BTBD8: variants seen among roughly 807,000 people sequenced by gnomAD.
The protein encoded by BTBD8 is BTB domain containing 8.
Under a neutral mutation model 162.9 loss-of-function variants are expected in BTBD8, and 110 were observed. The ratio of observed to expected loss-of-function variants is 0.68; its 90% CI spans 0.58 to 0.79. BTBD8 has a LOEUF of 0.79. BTBD8 is among the 30% of genes least tolerant of loss of function. The pLI is 0.00. For synonymous variants in BTBD8, 667 were observed against 716.1 expected (o/e 0.93, Z 1.10); for missense variants, 1,905 against 2,085.4 (o/e 0.91, Z 1.68).
chr1:92,084,666 T>C (rs1019782450), intron 1 of BTBD8, among the ~76,000 whole-genome samples: 3 of 152,180 alleles, frequency 2.0e-5, no homozygotes, highest in African/African-American at 7.2e-5. Context: ...ACCACTGGAC[T>C]CTCTCCCCTG....
chr1:92,080,629 G>A lies in BTBD8; in HGVS notation c.58G>A (p.Val20Ile). Reference sequence around the variant, plus strand: ...CATGGTACTTCTGGGGTCCGCTGGAGTTTGCAGTAAGGGGTTGCAAAGGAA... The same window carrying A: ...CATGGTACTTCTGGGGTCCGCTGGAATTTGCAGTAAGGGGTTGCAAAGGAA... ...APMVLLGSAG[V>I]CSKGLQRKGP... Residue 20 changes from valine (V) to isoleucine (I), a missense_variant, in exon 1 of 18, where the codon GTT (valine) becomes ATT (isoleucine). Transcript: ENST00000636805. The A allele has an allele frequency of 6.2e-7, 1 of 1,614,052 alleles. No homozygotes were observed. The highest frequency in any genetic ancestry group is 1.1e-5 in the South Asian group (1 of 91,070).
intron 13 of BTBD8, among the ~76,000 whole-genome samples, chr1:92,175,835 A>C (rs1310836755): frequency 6.6e-6 from 1 of 152,162 alleles, no homozygotes; most frequent in Non-Finnish European, 1.5e-5. Context: ...GAATGACAAT[A>C]TGATCTTAAA....
In BTBD8 at chr1:92,142,960, C is replaced by T. The variant is rs1453148401; in HGVS notation, c.930+1749C>T. Among the ~76,000 whole-genome samples the T allele has an allele frequency of 3.3e-5, 5 of 152,186 alleles. No individual in the cohort carries two copies. The East Asian group carries it at 9.6e-4, about 29-fold the overall frequency. ...GAAAATGGAGGAGCAGGAGATCAGA[C>T]CATGCTCTACTCTCTATTTCACATC... On this transcript the variant is annotated intron_variant, in intron 7 of 17. Transcript: ENST00000636805.
At chr1:92,182,673 T>C in intron 17 of BTBD8, 78 bp downstream of exon 17, 1 of 849,948 alleles carries the variant, frequency 1.2e-6, no homozygotes, top group South Asian at 3.2e-5. Flanking sequence ...AAGCCCTGAA[T>C]GTTATATTTT....
chr1:92,132,285 T>C (rs1342716086), intron 5 of BTBD8, among the ~76,000 whole-genome samples: 1 of 151,724 alleles, frequency 6.6e-6, no homozygotes, highest in African/African-American at 2.4e-5. Flanking sequence ...CCTCTGAGTT[T>C]AGCTATATGA....
At chr1:92,177,572 A>G in intron 14 of BTBD8, 26 bp downstream of exon 14, 1 of 1,392,234 alleles carries the variant, frequency 7.2e-7, no homozygotes, top group African/African-American at 1.5e-5. Flanking sequence ...GTAATTTTTA[A>G]TATCTCCTGA....
intron 5 of BTBD8, among the ~76,000 whole-genome samples, chr1:92,135,573 TG>T (rs1649614873): frequency 6.6e-6 from 1 of 152,210 alleles, no homozygotes; most frequent in South Asian, 2.1e-4. Flanking sequence ...ATTTAAACTA[TG>T]GGCTATTGGA....
intron 9 of BTBD8, among the ~76,000 whole-genome samples, chr1:92,159,034 G>A (rs1263320583): frequency 6.6e-6 from 1 of 152,180 alleles, no homozygotes; most frequent in Non-Finnish European, 1.5e-5. Context: ...TGGAATACAG[G>A]CATGAGCCAC....
intron 4 of BTBD8, among the ~76,000 whole-genome samples, chr1:92,127,675 A>T (rs1177181052): frequency 6.6e-6 from 1 of 151,878 alleles, no homozygotes; most frequent in Non-Finnish European, 1.5e-5. Context: ...CCTGGGTTCA[A>T]GTGACTCTCC....
intron 9 of BTBD8, among the ~76,000 whole-genome samples, chr1:92,162,874 T>C (rs1019554878): frequency 6.6e-6 from 1 of 152,176 alleles, no homozygotes; most frequent in Admixed American, 6.5e-5. Context: ...TGTGAAATAA[T>C]GTTATATACA....
At chr1:92,092,149 C>A (rs1648321777) in intron 2 of BTBD8, among the ~76,000 whole-genome samples, 1 of 152,002 alleles carries the variant, frequency 6.6e-6, no homozygotes. Flanking sequence ...ACCTGTAGTC[C>A]CAGCACTTTG....
chr1:92,107,512 A>G (rs919941702), intron 3 of BTBD8, among the ~76,000 whole-genome samples: 3 of 152,214 alleles, frequency 2.0e-5, no homozygotes, highest in Non-Finnish European at 2.9e-5. Context: ...TAGCCTAGGA[A>G]CAATAGGCTA....
In BTBD8 at chr1:92,159,612, G is replaced by A. The variant is rs116166387; in HGVS notation, c.1123-7346G>A. 4.3e-3 allele frequency among the ~76,000 whole-genome samples: 655 copies of A among 152,192 alleles called. 2 individuals carry two copies. Among genetic ancestry groups the A allele is most frequent in the African/African-American group, 0.014 (595 of 41,530 alleles). Reference sequence around the variant, plus strand: ...AGATCAACTGGTGATGAATTTTCTCGGCTTTTGTTTGTCTTTATCTTTGCC... The same window carrying A: ...AGATCAACTGGTGATGAATTTTCTCAGCTTTTGTTTGTCTTTATCTTTGCC... On this transcript the variant is annotated intron_variant, in intron 9 of 17. Transcript: ENST00000636805.
At chr1:92,159,317 G>A (rs1650233831) in intron 9 of BTBD8, among the ~76,000 whole-genome samples, 1 of 151,968 alleles carries the variant, frequency 6.6e-6, no homozygotes, top group African/African-American at 2.4e-5. Context: ...TGGGACTGCA[G>A]GTGCATGCCA....
chr1:92,181,819 C>G lies in BTBD8; in HGVS notation c.4136C>G (p.Ser1379Cys). 1 of 1,551,188 alleles carries G rather than the reference C, an allele frequency of 6.4e-7. No homozygotes were observed. Among genetic ancestry groups the G allele is most frequent in the South Asian group, 1.2e-5 (1 of 84,024 alleles). The change falls in exon 17 of 18, where the codon TCT becomes TGT. Residue 1379 changes from serine to cysteine, a missense_variant. Around this residue, in one of 3 missense-constraint regions of BTBD8, gnomAD observed 517 missense variants for 606.6 expected, o/e 0.85. Coordinates refer to ENST00000636805, the MANE Select transcript of BTBD8 (RefSeq NM_001376131.1). ...VQFAQEIDQVSSSADETEDER... is the reference protein window; with the variant it reads ...VQFAQEIDQVCSSADETEDER... ...TTTGCTCAGGAAATAGATCAGGTAT[C>G]TTCTTCAGCAGATGAAACAGAAGAT... is the stretch of plus-strand genomic sequence containing the variant.
At chr1:92,175,497 A>AAAAAG (rs1650687657) in intron 13 of BTBD8, among the ~76,000 whole-genome samples, 2 of 149,926 alleles carry the variant, frequency 1.3e-5, no homozygotes, top group Non-Finnish European at 3.0e-5. Flanking sequence ...AAAAAAAAAA[A>AAAAAG]AAGAATGACA....
At chr1:92,171,888 C>T (rs558528346) in intron 13 of BTBD8, among the ~76,000 whole-genome samples, 3 of 152,046 alleles carry the variant, frequency 2.0e-5, no homozygotes, top group Admixed American at 2.0e-4. Context: ...GTCAGGAGTT[C>T]GAGAGCAGCC....
intron 4 of BTBD8, among the ~76,000 whole-genome samples, chr1:92,109,958 A>G (rs1557443057): frequency 6.6e-6 from 1 of 152,238 alleles, no homozygotes; most frequent in Non-Finnish European, 1.5e-5. Context: ...CTGGAATTTT[A>G]TTCAGTTTAG....
chr1:92,088,642 T>C (rs1021882772), intron 1 of BTBD8, 56 bp from the exon 2 acceptor site: 9 of 1,336,656 alleles, frequency 6.7e-6, no homozygotes, highest in Non-Finnish European at 9.1e-6. Context: ...TATAAAAATA[T>C]GTATACGTTT....
Sources: gnomAD v4.1 joint callset for allele counts (sites outside exome capture counted in the v4.1 genomes callset) on GRCh38, gnomAD v4.1.1 for gene constraint, gnomAD v4.1.1 regional missense constraint, MANE v1.5 for transcripts, NCBI Gene and HGNC (gene_info 2026-07-23, HGNC 2026-07-21) for gene names.